The following GNA14 variants were observed in gnomAD, a reference collection of about 807,000 sequenced individuals.
GNA14 encodes the protein G protein subunit alpha 14, also known as guanine nucleotide-binding protein subunit alpha-14.
GNA14 carries 50 observed loss-of-function variants against 42.0 expected under a neutral mutation model. The observed-to-expected ratio is 1.19, with a 90% CI of 0.95 to 1.51. GNA14 has a LOEUF of 1.51. GNA14 is among the 40% of genes most tolerant of loss of function. GNA14 has a pLI of 0.00. For missense variants in GNA14, 473 were observed against 446.2 expected, an observed-to-expected ratio of 1.06 and a Z score of -0.54; for synonymous variants, 173 against 163.1, an observed-to-expected ratio of 1.06 and a Z score of -0.46.
rs748169988 is a variant in GNA14 at position 77,633,015 on chromosome 9, T to C, written c.124+14655A>G. ...TACCCCAAAGATCCTGTAAAAGTAA[T>C]GTATTTCTCCATTTAGCAAATGTTA... On this transcript the variant is annotated intron_variant, in intron 1 of 6. Transcript: ENST00000341700. Among the ~76,000 whole-genome samples, 7 of 152,186 alleles carry C rather than the reference T, an allele frequency of 4.6e-5. No individual in the cohort carries two copies. In the East Asian group the frequency reaches 1.2e-3, roughly 25 times the overall value.
intron 1 of GNA14, among the ~76,000 whole-genome samples, chr9:77,561,524 T>TA (rs1258214649): frequency 6.6e-6 from 1 of 152,138 alleles, no homozygotes; most frequent in Non-Finnish European, 1.5e-5. Flanking sequence ...CATCCAGCCT[T>TA]AAAAAGGAAG....
At chr9:77,546,896 C>T in intron 1 of GNA14, among the ~76,000 whole-genome samples, 1 of 152,166 alleles carries the variant, frequency 6.6e-6, no homozygotes, top group East Asian at 1.9e-4. Flanking sequence ...TTGCCCAGGG[C>T]AGCCTCGGTT....
At chr9:77,466,072 TG>T (rs1836218346) in intron 2 of GNA14, among the ~76,000 whole-genome samples, 1 of 152,230 alleles carries the variant, frequency 6.6e-6, no homozygotes, top group South Asian at 2.1e-4. Flanking sequence ...TCGACTATAA[TG>T]TGTCTGGGTG....
chr9:77,488,051 A>G (rs1388616024), intron 2 of GNA14, among the ~76,000 whole-genome samples: 1 of 152,218 alleles, frequency 6.6e-6, no homozygotes, highest in African/African-American at 2.4e-5. Flanking sequence ...AAAAACACTT[A>G]AAGCAATGTA....
At chr9:77,485,298 A>T (rs1836637874) in intron 2 of GNA14, among the ~76,000 whole-genome samples, 1 of 152,000 alleles carries the variant, frequency 6.6e-6, no homozygotes, top group Non-Finnish European at 1.5e-5. Flanking sequence ...ATAAGAAGGA[A>T]CTCCTCATTT....
chr9:77,512,345 ATATT>A (rs1837185500), intron 2 of GNA14, among the ~76,000 whole-genome samples: 1 of 152,208 alleles, frequency 6.6e-6, no homozygotes. Flanking sequence ...TAAACTGCTA[ATATT>A]TATTTTTAAT....
intron 2 of GNA14, among the ~76,000 whole-genome samples, chr9:77,514,860 A>G (rs1446790798): frequency 1.3e-5 from 2 of 152,008 alleles, no homozygotes; most frequent in Admixed American, 6.6e-5. Flanking sequence ...TGATCCGCCC[A>G]CCTCGGCCTC....
chr9:77,595,293 A>C (rs971458084), intron 1 of GNA14, among the ~76,000 whole-genome samples: 4 of 152,200 alleles, frequency 2.6e-5, no homozygotes, highest in African/African-American at 9.7e-5. Context: ...TAGGTGGATA[A>C]ATTATAAATG....
At chr9:77,436,656 T>C (rs149560381) in intron 2 of GNA14, among the ~76,000 whole-genome samples, 7 of 152,280 alleles carry the variant, frequency 4.6e-5, no homozygotes, top group African/African-American at 1.4e-4. Flanking sequence ...AATAGGTCAG[T>C]TGTGCTGAGC....
In GNA14 at chr9:77,447,274, T is replaced by A. The variant is rs1006409362; in HGVS notation, c.310-12752A>T. Among the ~76,000 whole-genome samples, 19 of 152,178 alleles carry A rather than the reference T, an allele frequency of 1.2e-4. 1 individual carries two copies. Among genetic ancestry groups the A allele is most frequent in the Admixed American group, 6.5e-4 (10 of 15,286 alleles). On this transcript the variant is annotated intron_variant, in intron 2 of 6. Transcript: ENST00000341700. ...GTACAATTTCTGTAAAAGCTACTTA[T>A]CTGTTATATATCCCTTTCTGCCACC...
At chr9:77,457,536 C>T (rs897312051) in intron 2 of GNA14, among the ~76,000 whole-genome samples, 6 of 152,160 alleles carry the variant, frequency 3.9e-5, no homozygotes, top group East Asian at 1.9e-4. Context: ...CGGCAATGCC[C>T]TACCGGAGTG....
chr9:77,443,298 A>G (rs1835765311), intron 2 of GNA14, among the ~76,000 whole-genome samples: 1 of 152,226 alleles, frequency 6.6e-6, no homozygotes, highest in African/African-American at 2.4e-5. Context: ...CATATCTAGA[A>G]TATTTAATTA....
intron 2 of GNA14, among the ~76,000 whole-genome samples, chr9:77,454,839 C>CTTTTAATA (rs1835972503): frequency 6.6e-6 from 1 of 152,160 alleles, no homozygotes; most frequent in South Asian, 2.1e-4. Flanking sequence ...TTTAATGTGA[C>CTTTTAATA]ACATATATTA....
intron 2 of GNA14, among the ~76,000 whole-genome samples, chr9:77,456,845 A>G (rs1205645419): frequency 4.6e-5 from 7 of 152,186 alleles, no homozygotes; most frequent in African/African-American, 1.7e-4. Context: ...ATCAGCTAAT[A>G]ATTATTGTCA....
Position 77,604,580 on chromosome 9 carries a change from C to T in GNA14, c.124+43090G>A, listed in dbSNP as rs368463286. On this transcript the variant is annotated intron_variant, in intron 1 of 6. Transcript: ENST00000341700. Reference sequence around the variant, plus strand: ...AGATAAATTCCTCTGGCTGGCTTCTCATTGCTAAGCACCTGGTAATCCTGA... The same window carrying T: ...AGATAAATTCCTCTGGCTGGCTTCTTATTGCTAAGCACCTGGTAATCCTGA... Among the ~76,000 whole-genome samples, 19 of 152,310 alleles carry T rather than the reference C, an allele frequency of 1.2e-4. 1 individual carries two copies. The highest frequency in any genetic ancestry group is 3.3e-4 in the Admixed American group (5 of 15,300).
rs6560602 is a variant in GNA14, at chr9:77,489,564, T to A, written c.309+39505A>T. Among the ~76,000 whole-genome samples the A allele has an allele frequency of 1.2e-4, 18 of 152,084 alleles. No homozygotes were observed. In the South Asian group the frequency reaches 3.5e-3, roughly 30 times the overall value. On this transcript the variant is annotated intron_variant, in intron 2 of 6. Coordinates refer to ENST00000341700, the MANE Select transcript of GNA14 (RefSeq NM_004297.4). ...TCAAGAATGAAGCCGCGGACCCTCG[T>A]GGTGAGTGTTACAGCTCTTAAGGTG...
intron 1 of GNA14, among the ~76,000 whole-genome samples, chr9:77,609,502 G>C (rs1308164570): frequency 6.6e-6 from 1 of 152,030 alleles, no homozygotes; most frequent in African/African-American, 2.4e-5. Flanking sequence ...CAGTTTCAAA[G>C]CCACTTCCAC....
At chr9:77,501,732 A>C (rs1836976647) in intron 2 of GNA14, among the ~76,000 whole-genome samples, 2 of 61,322 alleles carry the variant, frequency 3.3e-5, no homozygotes, top group Admixed American at 1.5e-4. Context: ...TTTTTTTGAG[A>C]TGGAGTCTTG....
At chr9:77,546,819 T>A (rs151167439) in intron 1 of GNA14, among the ~76,000 whole-genome samples, 90 of 152,292 alleles carry the variant, frequency 5.9e-4, no homozygotes, top group African/African-American at 2.1e-3. Flanking sequence ...GGGAGATGTA[T>A]TCAAAAACAG....
Sources: allele counts gnomAD v4.1 joint callset (sites outside exome capture counted in the v4.1 genomes callset), GRCh38; gene constraint gnomAD v4.1.1; transcripts MANE v1.5; gene names NCBI Gene and HGNC (gene_info 2026-07-23, HGNC 2026-07-21).